PTPRD: variants seen among roughly 807,000 people sequenced by gnomAD.
PTPRD encodes the protein protein tyrosine phosphatase receptor type D, also known as receptor-type tyrosine-protein phosphatase delta.
In PTPRD, 34 loss-of-function variants were observed where a neutral mutation model predicts 214.5. The ratio of observed to expected loss-of-function variants is 0.16; its 90% confidence interval spans 0.12 to 0.21. The LOEUF (loss-of-function observed/expected upper bound fraction) is 0.21. PTPRD is among the 10% of genes least tolerant of loss of function. The probability of loss-of-function intolerance (pLI) is 1.00; values close to 1 mark genes in which losing one functional copy is unlikely to be tolerated. For synonymous variants in PTPRD, 1,128 were observed against 845.7 expected, an observed-to-expected ratio of 1.33 and a Z score of -5.79; for missense variants, 2,545 against 2,398.7, an observed-to-expected ratio of 1.06 and a Z score of -1.27.
At chr9:10,104,209 T>TCTCTATGAC (rs2098601175) in intron 3 of PTPRD, among the ~76,000 whole-genome samples, 1 of 151,646 alleles carries the variant, frequency 6.6e-6, no homozygotes, top group Non-Finnish European at 1.5e-5. Context: ...AGAATTTCTG[T>TCTCTATGAC]TTTACAAGAC....
At position 10,350,000 on chromosome 9, in the gene PTPRD, A is replaced by G. The variant is rs530292169; in HGVS notation, c.-599-8983T>C. 9.8e-5 allele frequency among the ~76,000 whole-genome samples: 15 copies of G among 152,334 alleles called. 2 individuals carry two copies. The highest frequency in any genetic ancestry group is 3.6e-4 in the African/African-American group (15 of 41,578). ...TTTAAATAATTGAAAGAGAAACAGC[A>G]ATGCCTATCAAGGCAGCTGGATTGG... is the stretch of plus-strand genomic sequence containing the variant. On this transcript the variant is annotated intron_variant, in intron 2 of 45. Transcript: ENST00000381196.
rs112018037 is a variant in PTPRD, at chr9:9,488,489, A to T, written c.-237+86243T>A. Among the ~76,000 whole-genome samples, 630 of 152,272 alleles carry T rather than the reference A, an allele frequency of 4.1e-3. 3 individuals are homozygous for T. The highest frequency in any genetic ancestry group is 0.014 in the African/African-American group (572 of 41,548). Reference sequence around the variant, plus strand: ...TTTCTGCTCTCAGGTTCTTTCACTCAGCTTCCTGAGTTCAGAGGGCAATGA... The same window carrying T: ...TTTCTGCTCTCAGGTTCTTTCACTCTGCTTCCTGAGTTCAGAGGGCAATGA... On this transcript the variant is annotated intron_variant, in intron 8 of 45. Coordinates refer to ENST00000381196, the MANE Select transcript of PTPRD (RefSeq NM_002839.4).
rs61314978 is a variant in PTPRD, at chr9:10,231,989, A to AGTGT, written c.-545+108970_-545+108973dup. ...GAGAGAGAGAGAGAGAGAGAGAGAG[A>AGTGT]GTGTGTGTGTGTGTGTGTGTGTGTG... On this transcript the variant is annotated intron_variant, in intron 3 of 45. Transcript: ENST00000381196. 7.3e-3 allele frequency among the ~76,000 whole-genome samples: 672 copies of AGTGT among 92,448 alleles called. 6 individuals carry two copies. Among genetic ancestry groups the AGTGT allele is most frequent in the South Asian group, 0.028 (63 of 2,270 alleles). The allele number at this position is 92,448 out of a possible 152,430, so 60.6% of individuals were successfully genotyped here.
chr9:9,652,986 T>A (rs921528832), intron 7 of PTPRD, among the ~76,000 whole-genome samples: 1 of 152,162 alleles, frequency 6.6e-6, no homozygotes, highest in Non-Finnish European at 1.5e-5. Flanking sequence ...TTATTCTTTA[T>A]GGGAAATGTT....
At chr9:9,651,380 C>A (rs532592107) in intron 7 of PTPRD, among the ~76,000 whole-genome samples, 1 of 152,038 alleles carries the variant, frequency 6.6e-6, no homozygotes, top group African/African-American at 2.4e-5. Flanking sequence ...TTTTCCTGAA[C>A]CTCTTCCTCC....
chr9:8,693,567 G>T lies in PTPRD; in HGVS notation c.64+40213C>A, dbSNP rs140152230. Among the ~76,000 whole-genome samples, 554 of 152,210 alleles carry T rather than the reference G, an allele frequency of 3.6e-3. 3 individuals are homozygous for T. Among genetic ancestry groups the T allele is most frequent in the Non-Finnish European group, 6.0e-3 (406 of 68,014 alleles). The stretch of plus-strand genomic sequence containing the variant: ...AATAAGGTGGTTAAGCTTCCTCCAG[G>T]AGCTCATATTCTACGAGGGGTGTAC... On this transcript the variant is annotated intron_variant, in intron 12 of 45. Transcript: ENST00000381196.
At position 9,389,119 on chromosome 9, in the gene PTPRD, T is replaced by C. The variant is rs1364252106; in HGVS notation, c.-203+8330A>G. Reference sequence around the variant, plus strand: ...TAGTGCCTCCATTATAAGGTTGTGGTGAGGATTAAATTTGATAATATATGT... The same window carrying C: ...TAGTGCCTCCATTATAAGGTTGTGGCGAGGATTAAATTTGATAATATATGT... On this transcript the variant is annotated intron_variant, in intron 9 of 45. Coordinates refer to ENST00000381196, the MANE Select transcript of PTPRD (RefSeq NM_002839.4). 2.0e-5 allele frequency among the ~76,000 whole-genome samples: 3 copies of C among 152,274 alleles called. No individual in the cohort carries two copies. The East Asian group carries it at 5.8e-4, about 29-fold the overall frequency.
At chr9:9,470,946 G>T (rs1176725295) in intron 8 of PTPRD, among the ~76,000 whole-genome samples, 1 of 152,128 alleles carries the variant, frequency 6.6e-6, no homozygotes, top group Admixed American at 6.5e-5. Context: ...TTAGACTGTA[G>T]TATCTGGATC....
chr9:9,435,108 C>T (rs2084700851), intron 8 of PTPRD, among the ~76,000 whole-genome samples: 1 of 151,700 alleles, frequency 6.6e-6, no homozygotes, highest in African/African-American at 2.4e-5. Flanking sequence ...AATTTTAGAC[C>T]CCGCTTTACT....
At chr9:10,248,228 A>G (rs1199291386) in intron 3 of PTPRD, among the ~76,000 whole-genome samples, 2 of 152,140 alleles carry the variant, frequency 1.3e-5, no homozygotes, top group African/African-American at 4.8e-5. Context: ...AGTAAGGGTT[A>G]AAGTGTCAAG....
chr9:9,772,455 G>T lies in PTPRD; in HGVS notation c.-367-5604C>A, dbSNP rs1434904322. 2.6e-5 allele frequency among the ~76,000 whole-genome samples: 4 copies of T among 152,082 alleles called. No homozygotes were observed. In the South Asian group the frequency reaches 6.2e-4, roughly 24 times the overall value. ...GCGACGGGTAAATTTTATCCTTAGT[G>T]TTCTTGCATTTTACATTTAACATTT... is the stretch of plus-strand genomic sequence containing the variant. On this transcript the variant is annotated intron_variant, in intron 5 of 45. Transcript: ENST00000381196.
chr9:10,210,069 CAT>C (rs746595985), intron 3 of PTPRD, among the ~76,000 whole-genome samples: 43 of 152,034 alleles, frequency 2.8e-4, no homozygotes, highest in Non-Finnish European at 4.3e-4. Flanking sequence ...TTTCTGAAAA[CAT>C]GTAGTAAAAA....
intron 2 of PTPRD, among the ~76,000 whole-genome samples, chr9:10,468,118 A>C (rs1301597080): frequency 6.6e-6 from 1 of 152,198 alleles, no homozygotes; most frequent in Non-Finnish European, 1.5e-5. Context: ...CTAGAACCAG[A>C]AATACCATTT....
rs868336218 is a variant in PTPRD at position 10,490,193 on chromosome 9, C to T, written c.-600+122205G>A. Reference sequence around the variant, plus strand: ...ATATAGTTATTTTTCTCTATATCAACATTTAAATTGGTAGACAGGAGAAAA... The same window carrying T: ...ATATAGTTATTTTTCTCTATATCAATATTTAAATTGGTAGACAGGAGAAAA... On this transcript the variant is annotated intron_variant, in intron 2 of 45. Coordinates refer to ENST00000381196, the MANE Select transcript of PTPRD (RefSeq NM_002839.4). Among the ~76,000 whole-genome samples, 11 of 152,242 alleles carry T rather than the reference C, an allele frequency of 7.2e-5. No individual in the cohort carries two copies. The South Asian group carries it at 2.1e-3, about 29-fold the overall frequency.
intron 11 of PTPRD, among the ~76,000 whole-genome samples, chr9:8,984,011 A>G (rs2099327333): frequency 6.6e-6 from 1 of 152,098 alleles, no homozygotes; most frequent in Non-Finnish European, 1.5e-5. Context: ...ATATATTTCT[A>G]AATAGTGGCA....
chr9:9,144,185 T>G (rs540952692), intron 10 of PTPRD, among the ~76,000 whole-genome samples: 16 of 152,332 alleles, frequency 1.1e-4, no homozygotes, highest in African/African-American at 3.4e-4. Flanking sequence ...TCTGATAGAT[T>G]TGAATTTGCT....
At chr9:10,171,868 T>C (rs1259989488) in intron 3 of PTPRD, among the ~76,000 whole-genome samples, 1 of 152,130 alleles carries the variant, frequency 6.6e-6, no homozygotes, top group Non-Finnish European at 1.5e-5. Context: ...ATAACCCCCA[T>C]CATGCTGTTT....
At chr9:9,278,534 C>T (rs1288444734) in intron 9 of PTPRD, among the ~76,000 whole-genome samples, 3 of 151,140 alleles carry the variant, frequency 2.0e-5, no homozygotes, top group African/African-American at 4.8e-5. Flanking sequence ...TATATTTTAA[C>T]GTCAGATGAG....
intron 2 of PTPRD, among the ~76,000 whole-genome samples, chr9:10,392,058 C>A (rs2154491612): frequency 6.6e-6 from 1 of 151,800 alleles, no homozygotes; most frequent in East Asian, 2.0e-4. Flanking sequence ...TTCTTCATAG[C>A]ATTTCATCAC....
Sources: allele counts gnomAD v4.1 joint callset (sites outside exome capture counted in the v4.1 genomes callset), GRCh38; gene constraint gnomAD v4.1.1; transcripts MANE v1.5; gene names NCBI Gene and HGNC (gene_info 2026-07-23, HGNC 2026-07-21).